The following FNDC3B variants were observed in gnomAD, a reference collection of about 807,000 sequenced individuals.
The protein encoded by FNDC3B is fibronectin type III domain containing 3B, also known as fibronectin type III domain-containing protein 3B.
A neutral mutation model predicts 151.5 loss-of-function variants in FNDC3B; 12 were observed. The observed-to-expected ratio is 0.08, with a 90% CI of 0.05 to 0.13. The LOEUF is 0.13. Ranked by LOEUF, FNDC3B falls within the 10% of genes least tolerant of loss-of-function variation. FNDC3B has a pLI of 1.00. For missense variants in FNDC3B, 1,214 were observed against 1,505.3 expected, an observed-to-expected ratio of 0.81 and a Z score of 3.20; for synonymous variants, 528 against 549.0, an observed-to-expected ratio of 0.96 and a Z score of 0.54.
At chr3:172,333,488 ATTTTTTTTTTTTTTTTT>A (rs748224819) in intron 14 of FNDC3B, among the ~76,000 whole-genome samples, 1 of 102,834 alleles carries the variant, frequency 9.7e-6, no homozygotes, top group Admixed American at 1.1e-4. Flanking sequence ...TGCCCGGCTA[ATTTTTTTTTTTTTTTTT>A]TTTTTTTTTT....
At chr3:172,078,587 C>T (rs1718136331) in intron 1 of FNDC3B, among the ~76,000 whole-genome samples, 1 of 152,162 alleles carries the variant, frequency 6.6e-6, no homozygotes, top group Non-Finnish European at 1.5e-5. Flanking sequence ...TGAAACAAAA[C>T]CTGCCTTTTC....
chr3:172,074,493 G>T (rs1379332580), intron 1 of FNDC3B, among the ~76,000 whole-genome samples: 1 of 152,164 alleles, frequency 6.6e-6, no homozygotes, highest in Non-Finnish European at 1.5e-5. Context: ...ACAGCAACCT[G>T]TTACTTCGTG....
chr3:172,286,929 T>A (rs555795962), intron 7 of FNDC3B, among the ~76,000 whole-genome samples: 19 of 152,264 alleles, frequency 1.2e-4, no homozygotes, highest in African/African-American at 4.1e-4. Flanking sequence ...TGAAAGGCTA[T>A]GGGAGTCAAA....
chr3:172,100,482 A>T (rs1450880354), intron 1 of FNDC3B, among the ~76,000 whole-genome samples: 2 of 152,158 alleles, frequency 1.3e-5, no homozygotes, highest in Non-Finnish European at 2.9e-5. Context: ...GAGAGAAAAT[A>T]TTTTTCTAGA....
intron 3 of FNDC3B, among the ~76,000 whole-genome samples, chr3:172,183,044 AT>A (rs1723995638): frequency 6.6e-6 from 1 of 152,246 alleles, no homozygotes; most frequent in Non-Finnish European, 1.5e-5. Context: ...GTGACATGAA[AT>A]TTCTAAAAAT....
chr3:172,344,083 C>A lies in FNDC3B; in HGVS notation c.2078-3C>A. 6.2e-7 allele frequency: 1 copy of A among 1,606,188 alleles called. No homozygotes were observed. The highest frequency in any genetic ancestry group is 1.1e-5 in the South Asian group (1 of 90,160). On this transcript the variant is annotated splice_polypyrimidine_tract_variant and splice_region_variant and intron_variant, in intron 18 of 25. Transcript: ENST00000415807. ...TAAGATGAAAAAAATTCTTCATTCC[C>A]AGATGTTCCTGCATCGGAAAGTGGC...
At chr3:172,292,598 T>C (rs1730403303) in intron 7 of FNDC3B, among the ~76,000 whole-genome samples, 1 of 152,226 alleles carries the variant, frequency 6.6e-6, no homozygotes. Flanking sequence ...TTTTGAGACA[T>C]GGTTATTTCA....
At chr3:172,080,582 T>G (rs1718234644) in intron 1 of FNDC3B, among the ~76,000 whole-genome samples, 1 of 152,116 alleles carries the variant, frequency 6.6e-6, no homozygotes, top group Non-Finnish European at 1.5e-5. Flanking sequence ...TAGGCCTGAA[T>G]CGTTGAATTT....
At chr3:172,342,595 C>T (rs1048233330) in intron 17 of FNDC3B, among the ~76,000 whole-genome samples, 6 of 152,178 alleles carry the variant, frequency 3.9e-5, no homozygotes, top group Non-Finnish European at 7.4e-5. Context: ...AGTTTATTTG[C>T]TTTTCTGCTC....
intron 12 of FNDC3B, chr3:172,329,641 T>C (rs1732535901): frequency 6.6e-6 from 1 of 152,282 alleles, no homozygotes; most frequent in African/African-American, 2.4e-5. Context: ...TCAGTTGCAC[T>C]TGGGGGGTAA....
chr3:172,241,767 T>C (rs1727504391), intron 4 of FNDC3B, among the ~76,000 whole-genome samples: 1 of 152,194 alleles, frequency 6.6e-6, no homozygotes, highest in African/African-American at 2.4e-5. Flanking sequence ...ATTATGTACC[T>C]GGCCCCTCCC....
chr3:172,395,161 A>C (rs1222752326), intron 25 of FNDC3B, among the ~76,000 whole-genome samples: 4 of 152,178 alleles, frequency 2.6e-5, no homozygotes, highest in African/African-American at 9.7e-5. Flanking sequence ...AGTACTACTC[A>C]GATAGAGTTC....
chr3:172,039,942 C>T (rs542521997), intron 1 of FNDC3B, among the ~76,000 whole-genome samples, 171 bp downstream of exon 1: 1 of 147,558 alleles, frequency 6.8e-6, no homozygotes, highest in Non-Finnish European at 1.5e-5. Context: ...TGCTGGGGCG[C>T]CCCGTGCTCG....
intron 3 of FNDC3B, among the ~76,000 whole-genome samples, chr3:172,161,646 G>A (rs1362152731): frequency 6.6e-6 from 1 of 152,224 alleles, no homozygotes; most frequent in Admixed American, 6.5e-5. Context: ...GTCTGACACT[G>A]TTGTGCCTTG....
intron 6 of FNDC3B, among the ~76,000 whole-genome samples, chr3:172,271,622 A>G (rs1729204972): frequency 6.6e-6 from 1 of 152,160 alleles, no homozygotes; most frequent in East Asian, 1.9e-4. Flanking sequence ...GGGCCTGTTG[A>G]CCTACTCATT....
At chr3:172,381,568 C>A (rs1368751278) in intron 25 of FNDC3B, among the ~76,000 whole-genome samples, 2 of 151,844 alleles carry the variant, frequency 1.3e-5, no homozygotes, top group African/African-American at 4.8e-5. Flanking sequence ...TTTGCTGCGC[C>A]CATCAACCTG....
intron 25 of FNDC3B, among the ~76,000 whole-genome samples, chr3:172,385,095 G>C (rs557272784): frequency 6.6e-6 from 1 of 151,344 alleles, no homozygotes; most frequent in East Asian, 1.9e-4. Context: ...CTGGCTTCTC[G>C]CTATTCAGCA....
chr3:172,306,433 A>G (rs1399391545), intron 9 of FNDC3B, among the ~76,000 whole-genome samples: 1 of 152,238 alleles, frequency 6.6e-6, no homozygotes, highest in Non-Finnish European at 1.5e-5. Flanking sequence ...GGGTGGCTAT[A>G]AGAATTAAGG....
At chr3:172,257,343 T>C (rs995624351) in intron 6 of FNDC3B, among the ~76,000 whole-genome samples, 1 of 152,208 alleles carries the variant, frequency 6.6e-6, no homozygotes, top group Non-Finnish European at 1.5e-5. Flanking sequence ...AAAAACAGAA[T>C]GGAATTGTAA....
Sources: gnomAD v4.1 joint callset for allele counts (sites outside exome capture counted in the v4.1 genomes callset) on GRCh38, gnomAD v4.1.1 for gene constraint, MANE v1.5 for transcripts, NCBI Gene and HGNC (gene_info 2026-07-23, HGNC 2026-07-21) for gene names.